Variants in ZMAT4 observed in about 807,000 individuals in gnomAD.
ZMAT4 encodes zinc finger matrin-type 4.
ZMAT4 carries 17 observed loss-of-function variants against 28.7 expected under a neutral mutation model. That is an observed-to-expected ratio of 0.59 (90% confidence interval 0.41 to 0.89). The LOEUF (loss-of-function observed/expected upper bound fraction) is 0.89. ZMAT4 is among the 40% of genes least tolerant of loss of function. ZMAT4 has a pLI of 0.00. For missense variants in ZMAT4, 240 were observed against 283.8 expected (o/e 0.85, Z 1.11); for synonymous variants, 117 against 109.2 (o/e 1.07, Z -0.44).
At chr8:40,726,373 T>C (rs1247090999) in intron 3 of ZMAT4, among the ~76,000 whole-genome samples, 1 of 152,216 alleles carries the variant, frequency 6.6e-6, no homozygotes, top group Non-Finnish European at 1.5e-5. Context: ...CAAACATTGG[T>C]TATTCAGTAA....
chr8:40,554,931 C>T (rs560301685), intron 6 of ZMAT4, among the ~76,000 whole-genome samples: 38 of 152,148 alleles, frequency 2.5e-4, no homozygotes, highest in African/African-American at 8.9e-4. Flanking sequence ...ATTTTGTGTC[C>T]ATTAATCAAT....
In ZMAT4 at chr8:40,859,713, G is replaced by T. The variant is rs183023145; in HGVS notation, c.-4-34033C>A. 4.7e-4 allele frequency among the ~76,000 whole-genome samples: 72 copies of T among 152,230 alleles called. No individual in the cohort carries two copies. In the East Asian group the frequency reaches 0.014, roughly 29 times the overall value. ...TAATTGCCAATGGGCGGTGGAGAAT[G>T]TAAATTACCCTGCAGTATAACCAAG... On this transcript the variant is annotated intron_variant, in intron 1 of 6. Coordinates refer to ENST00000297737, the MANE Select transcript of ZMAT4 (RefSeq NM_024645.3).
chr8:40,797,515 G>A (rs1814648604), intron 2 of ZMAT4, among the ~76,000 whole-genome samples: 1 of 152,194 alleles, frequency 6.6e-6, no homozygotes, highest in African/African-American at 2.4e-5. Flanking sequence ...CAGTGAAGGG[G>A]AGGGGGAGTG....
At chr8:40,560,290 C>T (rs755521410) in intron 6 of ZMAT4, among the ~76,000 whole-genome samples, 25 of 151,356 alleles carry the variant, frequency 1.7e-4, no homozygotes, top group Admixed American at 2.6e-4. Context: ...ATAATAACAC[C>T]GCCAATTATA....
At chr8:40,764,092 T>C (rs1050060498) in intron 3 of ZMAT4, among the ~76,000 whole-genome samples, 37 of 152,056 alleles carry the variant, frequency 2.4e-4, no homozygotes, top group African/African-American at 8.7e-4. Flanking sequence ...GGTCTGAAGA[T>C]AATAAAAGGG....
At chr8:40,825,817 G>T in intron 1 of ZMAT4, 137 bp from the exon 2 acceptor site, 2 of 631,274 alleles carry the variant, frequency 3.2e-6, no homozygotes, top group Non-Finnish European at 5.5e-6. Context: ...CTACACTCTT[G>T]ACGTTATCAT....
intron 1 of ZMAT4, among the ~76,000 whole-genome samples, chr8:40,876,187 C>A (rs917979415): frequency 6.6e-6 from 1 of 152,178 alleles, no homozygotes; most frequent in Non-Finnish European, 1.5e-5. Flanking sequence ...GTCCCTGCCC[C>A]TCCTGAGACA....
At chr8:40,725,789 A>T (rs928750708) in intron 3 of ZMAT4, among the ~76,000 whole-genome samples, 1 of 152,222 alleles carries the variant, frequency 6.6e-6, no homozygotes. Context: ...AAAAAAAGAA[A>T]AAACAATCAT....
At chr8:40,888,470 A>C (rs1426837957) in intron 1 of ZMAT4, 39 of 152,310 alleles carry the variant, frequency 2.6e-4, no homozygotes, top group Admixed American at 2.6e-3. Flanking sequence ...TGCAGCCTAC[A>C]CCACTCCTCT....
At chr8:40,884,185 G>T (rs371983832) in intron 1 of ZMAT4, among the ~76,000 whole-genome samples, 1 of 90,730 alleles carries the variant, frequency 1.1e-5, no homozygotes, top group Non-Finnish European at 2.2e-5. Flanking sequence ...CCCCCACCCC[G>T]CCTCACCCAC....
intron 2 of ZMAT4, among the ~76,000 whole-genome samples, chr8:40,820,947 ATGTG>A (rs1815795767): frequency 3.5e-5 from 1 of 28,292 alleles, no homozygotes; most frequent in South Asian, 1.1e-3. Context: ...GGGGGCATAT[ATGTG>A]TGTGTCTGTG....
intron 4 of ZMAT4, among the ~76,000 whole-genome samples, chr8:40,688,814 C>T (rs1299363219): frequency 6.6e-6 from 1 of 152,192 alleles, no homozygotes; most frequent in Non-Finnish European, 1.5e-5. Flanking sequence ...CTTATAGGCT[C>T]ACTTCATTAA....
intron 5 of ZMAT4, among the ~76,000 whole-genome samples, chr8:40,651,615 G>A (rs1251750158): frequency 1.3e-3 from 193 of 148,554 alleles, no homozygotes; most frequent in African/African-American, 4.0e-3. Context: ...AGCCCGCATC[G>A]CCAAGTCAAT....
chr8:40,535,164 T>A (rs1802808391), intron 6 of ZMAT4, among the ~76,000 whole-genome samples: 2 of 152,144 alleles, frequency 1.3e-5, no homozygotes, highest in African/African-American at 4.8e-5. Context: ...GTTCAGCCCC[T>A]ATTGAAGTCT....
intron 1 of ZMAT4, among the ~76,000 whole-genome samples, chr8:40,877,696 G>C (rs1332855854): frequency 6.6e-6 from 1 of 152,204 alleles, no homozygotes; most frequent in African/African-American, 2.4e-5. Context: ...GTGTGTGTGT[G>C]TGTAGAGGGA....
intron 4 of ZMAT4, among the ~76,000 whole-genome samples, chr8:40,696,625 C>A (rs574175465): frequency 1.3e-5 from 2 of 152,192 alleles, no homozygotes; most frequent in Admixed American, 1.3e-4. Flanking sequence ...CATCGGTTAT[C>A]AATATTTAAG....
chr8:40,817,555 C>T (rs1346553461), intron 2 of ZMAT4, among the ~76,000 whole-genome samples: 1 of 152,196 alleles, frequency 6.6e-6, no homozygotes, highest in African/African-American at 2.4e-5. Context: ...TGCTGTGGAC[C>T]AGCGATTTCT....
intron 1 of ZMAT4, among the ~76,000 whole-genome samples, chr8:40,862,168 C>T (rs1336210682): frequency 2.6e-5 from 4 of 152,072 alleles, no homozygotes; most frequent in Non-Finnish European, 5.9e-5. Context: ...TTGGAACCAA[C>T]CCAAATGTCC....
At chr8:40,534,709 G>A (rs1802793160) in intron 6 of ZMAT4, among the ~76,000 whole-genome samples, 2 of 120,048 alleles carry the variant, frequency 1.7e-5, no homozygotes, top group South Asian at 5.5e-4. Context: ...TTGAGACTGA[G>A]TCACGCTTTG....
Sources: allele counts gnomAD v4.1 joint callset (sites outside exome capture counted in the v4.1 genomes callset), GRCh38; gene constraint gnomAD v4.1.1; transcripts MANE v1.5; gene names NCBI Gene and HGNC (gene_info 2026-07-23, HGNC 2026-07-21).